The following PTK2B variants were observed in gnomAD, a reference collection of about 807,000 sequenced individuals.
PTK2B encodes the protein protein-tyrosine kinase 2-beta.
In PTK2B, 71 loss-of-function variants were observed where a neutral mutation model predicts 142.9. The observed-to-expected ratio is 0.50, with a 90% confidence interval of 0.41 to 0.61. The LOEUF is 0.61. Ranked by LOEUF, PTK2B falls within the 20% of genes least tolerant of loss-of-function variation. The pLI, the probability that PTK2B is intolerant of heterozygous loss-of-function variation, is 0.00. For synonymous variants in PTK2B, 519 were observed against 503.4 expected (o/e 1.03, Z -0.42); for missense variants, 1,105 against 1,320.4 (o/e 0.84, Z 2.53).
intron 11 of PTK2B, 145 bp from the exon 12 acceptor site, chr8:27,433,948 C>A (rs1254041654): frequency 5.3e-6 from 6 of 1,126,934 alleles, no homozygotes; most frequent in Non-Finnish European, 8.1e-6. Flanking sequence ...TGGCCCAAGG[C>A]CTCACTAGCT....
At chr8:27,437,590 C>G (rs1253340739) in intron 17 of PTK2B, 94 bp downstream of exon 17, 6 of 1,278,444 alleles carry the variant, frequency 4.7e-6, no homozygotes, top group Non-Finnish European at 6.6e-6. Context: ...CTTCTGTGTT[C>G]CACTGAAATA....
chr8:27,399,680 G>C (rs551992887), intron 2 of PTK2B, among the ~76,000 whole-genome samples: 2 of 152,294 alleles, frequency 1.3e-5, no homozygotes, highest in South Asian at 4.1e-4. Context: ...GGGGTCGGTG[G>C]GGAACAGAGG....
At chr8:27,425,037 AATG>A (rs1345172365) in intron 5 of PTK2B, among the ~76,000 whole-genome samples, 1 of 152,184 alleles carries the variant, frequency 6.6e-6, no homozygotes, top group African/African-American at 2.4e-5. Context: ...GTAAAATAGG[AATG>A]ATAATAGTAA....
chr8:27,433,309 G>A, intron 10 of PTK2B, 126 bp from the exon 11 acceptor site: 1 of 771,634 alleles, frequency 1.3e-6, no homozygotes. Context: ...CCCCAGGAGA[G>A]GTGCAGACAG....
intron 24 of PTK2B, among the ~76,000 whole-genome samples, chr8:27,448,814 CTG>C (rs1797701927): frequency 6.6e-6 from 1 of 152,204 alleles, no homozygotes; most frequent in Admixed American, 6.5e-5. Flanking sequence ...TGACATTTAA[CTG>C]GGGATTTTTA....
intron 1 of PTK2B, chr8:27,380,545 T>TC (rs1193496761): frequency 1.3e-5 from 2 of 149,850 alleles, no homozygotes; most frequent in African/African-American, 2.5e-5. Flanking sequence ...ATTTTTTTTT[T>TC]CTCTTTTTAC....
chr8:27,373,071 C>T (rs1806457630), intron 1 of PTK2B, among the ~76,000 whole-genome samples: 1 of 152,130 alleles, frequency 6.6e-6, no homozygotes, highest in African/African-American at 2.4e-5. Flanking sequence ...TACCCACTGG[C>T]CTATCGGCTT....
At position 27,430,302 on chromosome 8, in the gene PTK2B, C is replaced by T; in HGVS notation, c.615-62C>T. The T allele has an allele frequency of 3.1e-6, 5 of 1,607,126 alleles. No individual in the cohort carries two copies. In the Admixed American group the frequency reaches 5.0e-5, roughly 16 times the overall value. On this transcript the variant is annotated intron_variant, in intron 6 of 30. Transcript: ENST00000346049. ...AGCCCTCTCACCTCTTCCTGATTGGCCCGCAGTCCTGTGGTGGGGGTGAGG... is the reference window on the plus strand; with the variant it reads ...AGCCCTCTCACCTCTTCCTGATTGGTCCGCAGTCCTGTGGTGGGGGTGAGG...
At chr8:27,451,423 G>A (rs181062152) in intron 26 of PTK2B, 62 bp from the exon 27 acceptor site, 1,291 of 1,607,982 alleles carry the variant, frequency 8.0e-4, no homozygotes, top group Non-Finnish European at 9.1e-4. Flanking sequence ...GGGTAACCAG[G>A]GAGGGGGTTG....
chr8:27,390,695 A>G (rs1222578596), intron 1 of PTK2B, among the ~76,000 whole-genome samples: 1 of 152,194 alleles, frequency 6.6e-6, no homozygotes, highest in Non-Finnish European at 1.5e-5. Context: ...GGGTCTTAGT[A>G]TTATGTTTCT....
At chr8:27,311,000 A>G (rs764032258), upstream of PTK2B, 1 of 1,611,562 alleles carries the variant, frequency 6.2e-7, no homozygotes, top group East Asian at 2.2e-5. Context: ...CAGCTTCTCC[A>G]CCAGGTTGTT....
intron 1 of PTK2B, among the ~76,000 whole-genome samples, chr8:27,386,498 T>C (rs1307692994): frequency 6.6e-6 from 1 of 152,222 alleles, no homozygotes; most frequent in Non-Finnish European, 1.5e-5. Flanking sequence ...GGTGGTTCCT[T>C]AAAGTTGTTT....
intron 1 of PTK2B, among the ~76,000 whole-genome samples, chr8:27,362,958 C>T (rs1251112999): frequency 6.6e-6 from 1 of 152,206 alleles, no homozygotes; most frequent in African/African-American, 2.4e-5. Context: ...AGCATCTTCC[C>T]AAGTCTTTAT....
chr8:27,357,846 G>A (rs895173017), intron 1 of PTK2B, among the ~76,000 whole-genome samples: 2 of 152,180 alleles, frequency 1.3e-5, no homozygotes. Flanking sequence ...TTACATGCTA[G>A]GGATATGGAG....
chr8:27,364,034 A>G (rs919065757), intron 1 of PTK2B, among the ~76,000 whole-genome samples: 4 of 152,202 alleles, frequency 2.6e-5, no homozygotes, highest in African/African-American at 9.6e-5. Flanking sequence ...CACACTCTAC[A>G]TACAAACACC....
At chr8:27,424,613 G>C (rs908531414) in intron 5 of PTK2B, among the ~76,000 whole-genome samples, 3 of 152,180 alleles carry the variant, frequency 2.0e-5, no homozygotes, top group African/African-American at 7.2e-5. Context: ...AAGATTTGCA[G>C]GTCTAATAAT....
At chr8:27,360,692 A>G (rs1805648171) in intron 1 of PTK2B, among the ~76,000 whole-genome samples, 1 of 152,234 alleles carries the variant, frequency 6.6e-6, no homozygotes, top group Admixed American at 6.5e-5. Context: ...GTGAACTACC[A>G]AATGACACGT....
intron 24 of PTK2B, among the ~76,000 whole-genome samples, chr8:27,449,941 C>A (rs779634645): frequency 1.3e-5 from 2 of 152,014 alleles, no homozygotes; most frequent in Non-Finnish European, 2.9e-5. Flanking sequence ...TTTTGTTTTT[C>A]ATTTTATCTA....
chr8:27,387,417 T>G (rs946234377), intron 1 of PTK2B, among the ~76,000 whole-genome samples: 2 of 152,232 alleles, frequency 1.3e-5, no homozygotes, highest in African/African-American at 4.8e-5. Flanking sequence ...ACATTTCTTC[T>G]TAACGTTGAT....
Sources: allele counts gnomAD v4.1 joint callset (sites outside exome capture counted in the v4.1 genomes callset), GRCh38; gene constraint gnomAD v4.1.1; transcripts MANE v1.5; gene names NCBI Gene and HGNC (gene_info 2026-07-23, HGNC 2026-07-21).